Variants in RANBP2 observed in about 807,000 individuals in gnomAD.
The protein encoded by RANBP2 is E3 SUMO-protein ligase RanBP2.
Under a neutral mutation model 303.6 loss-of-function variants are expected in RANBP2, and 57 were observed. The ratio of observed to expected loss-of-function variants is 0.19; its 90% CI spans 0.15 to 0.23. The LOEUF (loss-of-function observed/expected upper bound fraction) is 0.23, where lower values mean the gene tolerates loss of function less well. RANBP2 is among the 10% of genes least tolerant of loss of function. The probability of loss-of-function intolerance (pLI) is 1.00; values close to 1 mark genes in which losing one functional copy is unlikely to be tolerated. For synonymous variants in RANBP2, 1,167 were observed against 1,301.5 expected, an observed-to-expected ratio of 0.90 and a Z score of 2.23; for missense variants, 3,138 against 3,780.8, an observed-to-expected ratio of 0.83 and a Z score of 4.46.
the RANBP2 span, among the ~76,000 whole-genome samples, chr2:109,425,152 C>A: frequency 1.3e-5 from 2 of 152,208 alleles, no homozygotes; most frequent in Non-Finnish European, 2.9e-5. Flanking sequence ...TAATCCAAAG[C>A]AAGGCCCTAA....
chr2:109,282,536 A>G, the RANBP2 span, among the ~76,000 whole-genome samples: 4 of 152,088 alleles, frequency 2.6e-5, no homozygotes, highest in Non-Finnish European at 5.9e-5. Context: ...GAGGGGTGGT[A>G]CTGCCCTGTG....
the RANBP2 span, among the ~76,000 whole-genome samples, chr2:108,935,760 A>AGTAT: frequency 1.3e-5 from 2 of 152,216 alleles, no homozygotes; most frequent in Non-Finnish European, 2.9e-5. Context: ...GCAATCTTAT[A>AGTAT]GGCCCTAAGG....
At chr2:109,307,841 G>A in the RANBP2 span, among the ~76,000 whole-genome samples, 130 of 137,738 alleles carry the variant, frequency 9.4e-4, no homozygotes, top group Non-Finnish European at 1.4e-3. Context: ...CATTTGGGTT[G>A]GTTCCAAGTC....
the RANBP2 span, chr2:108,923,290 C>T: frequency 3.5e-6 from 5 of 1,414,838 alleles, no homozygotes; most frequent in Non-Finnish European, 5.0e-6. Context: ...CCAGGACCGG[C>T]TCTTTCCTAC....
the RANBP2 span, among the ~76,000 whole-genome samples, chr2:108,992,336 G>A: frequency 0.036 from 5,551 of 152,282 alleles, 342 homozygotes; most frequent in African/African-American, 0.12. Flanking sequence ...GTTTGGGGAG[G>A]CATAGAGTAA....
At chr2:109,728,925 A>G in the RANBP2 span, among the ~76,000 whole-genome samples, 2 of 152,160 alleles carry the variant, frequency 1.3e-5, no homozygotes, top group South Asian at 4.1e-4. Context: ...CTGAGAATTT[A>G]ACATTCGGTA....
At chr2:108,779,076 A>C (rs1678067811) in intron 25 of RANBP2, among the ~76,000 whole-genome samples, 1 of 152,038 alleles carries the variant, frequency 6.6e-6, no homozygotes, top group African/African-American at 2.4e-5. Flanking sequence ...CATCCAGATC[A>C]GTGGTTACTG....
chr2:109,135,040 C>G, the RANBP2 span, among the ~76,000 whole-genome samples: 121,746 of 152,242 alleles, frequency 0.8, 49,932 homozygotes, highest in Non-Finnish European at 0.89. Flanking sequence ...CTCTGCTCCT[C>G]TGTTGGCTTC....
chr2:108,795,666 C>T, the RANBP2 span, among the ~76,000 whole-genome samples: 1 of 152,120 alleles, frequency 6.6e-6, no homozygotes, highest in Non-Finnish European at 1.5e-5. Flanking sequence ...AGCCTAAAAT[C>T]ACCAGGAAAA....
At chr2:109,694,154 G>T in the RANBP2 span, among the ~76,000 whole-genome samples, 5 of 152,158 alleles carry the variant, frequency 3.3e-5, no homozygotes, top group African/African-American at 1.2e-4. Flanking sequence ...ATTGGATCAT[G>T]GGGGTGGATT....
the RANBP2 span, among the ~76,000 whole-genome samples, chr2:109,725,498 T>C: frequency 6.6e-6 from 1 of 152,192 alleles, no homozygotes; most frequent in Non-Finnish European, 1.5e-5. Context: ...ACTCCCTCCC[T>C]GTAGGCTGGC....
the RANBP2 span, chr2:109,127,860 T>C: frequency 1.3e-5 from 2 of 152,206 alleles, no homozygotes; most frequent in Admixed American, 1.3e-4. Flanking sequence ...GCTATGGAAG[T>C]AAATATAAAT....
At chr2:109,515,822 C>T in the RANBP2 span, among the ~76,000 whole-genome samples, 3 of 152,002 alleles carry the variant, frequency 2.0e-5, no homozygotes, top group Middle Eastern at 3.2e-3. Context: ...CTTTTTCAAA[C>T]GATCAGATCT....
chr2:109,472,877 A>G, the RANBP2 span, among the ~76,000 whole-genome samples: 985 of 152,346 alleles, frequency 6.5e-3, 4 homozygotes, highest in Non-Finnish European at 8.7e-3. Flanking sequence ...ATCCCAGGGC[A>G]GACAGCCCTG....
the RANBP2 span, among the ~76,000 whole-genome samples, chr2:109,670,860 G>C: frequency 6.6e-6 from 1 of 152,166 alleles, no homozygotes; most frequent in Non-Finnish European, 1.5e-5. Context: ...GGGGTGGCTG[G>C]GTCTGAGTTT....
At chr2:108,788,671 G>T (rs1679366031), downstream of RANBP2, 13 of 363,940 alleles carry the variant, frequency 3.6e-5, no homozygotes, top group Non-Finnish European at 5.0e-5. Context: ...AGTGAGCCGA[G>T]ATTGCGCCAC....
the RANBP2 span, among the ~76,000 whole-genome samples, chr2:109,236,635 G>A: frequency 1.3e-5 from 2 of 152,178 alleles, no homozygotes; most frequent in African/African-American, 4.8e-5. Flanking sequence ...ACCACGAGAA[G>A]ATGCTGCCCA....
the RANBP2 span, among the ~76,000 whole-genome samples, chr2:109,456,304 A>G: frequency 1.3e-5 from 2 of 152,130 alleles, no homozygotes; most frequent in East Asian, 1.9e-4. Flanking sequence ...CTGTTCCCCT[A>G]TTGTCAGGCT....
At chr2:109,040,494 CAG>C in the RANBP2 span, among the ~76,000 whole-genome samples, 1 of 152,160 alleles carries the variant, frequency 6.6e-6, no homozygotes, top group Non-Finnish European at 1.5e-5. Context: ...TACACACACA[CAG>C]AAAATCTATT....
Sources: gnomAD v4.1 joint callset for allele counts (sites outside exome capture counted in the v4.1 genomes callset) on GRCh38, gnomAD v4.1.1 for gene constraint, MANE v1.5 for transcripts, NCBI Gene and HGNC (gene_info 2026-07-23, HGNC 2026-07-21) for gene names.